The following SEPSECS variants were observed in gnomAD, a reference collection of about 807,000 sequenced individuals.
SEPSECS encodes O-phosphoseryl-tRNA(Sec) selenium transferase.
In SEPSECS, 42 loss-of-function variants were observed where a neutral mutation model predicts 52.1. The ratio of observed to expected loss-of-function variants is 0.81; its 90% CI spans 0.63 to 1.04. The LOEUF is 1.04. Ranked by LOEUF, SEPSECS falls within the 50% of genes least tolerant of loss-of-function variation. SEPSECS has a pLI of 0.00. For synonymous variants in SEPSECS, 216 were observed against 211.4 expected (o/e 1.02, Z -0.19); for missense variants, 590 against 610.6 (o/e 0.97, Z 0.36).
intron 5 of SEPSECS, among the ~76,000 whole-genome samples, chr4:25,154,088 G>A (rs1577628014): frequency 6.6e-6 from 1 of 152,048 alleles, no homozygotes; most frequent in Non-Finnish European, 1.5e-5. Flanking sequence ...AAGCTGATTG[G>A]TAAGTAATGA....
intron 3 of SEPSECS, 52 bp downstream of exon 3, chr4:25,156,804 T>G (rs189635720): frequency 7.8e-5 from 52 of 669,992 alleles, no homozygotes; most frequent in Middle Eastern, 5.4e-4. Flanking sequence ...GAGTCAGTGG[T>G]GTGTGTGTGT....
intron 8 of SEPSECS, among the ~76,000 whole-genome samples, chr4:25,140,854 T>G (rs1299292409): frequency 6.6e-6 from 1 of 152,004 alleles, no homozygotes. Flanking sequence ...TAATACACAG[T>G]TGGTCCTCCA....
chr4:25,160,116 A>G (rs575067434), intron 1 of SEPSECS, 140 bp downstream of exon 1: 2 of 1,463,034 alleles, frequency 1.4e-6, no homozygotes, highest in East Asian at 5.1e-5. Flanking sequence ...TCGGTCAGCT[A>G]GGGCAAGCCA....
In SEPSECS at chr4:25,154,984, C is replaced by A. The variant is rs1306910369; in HGVS notation, c.701+14G>T. 1.2e-6 allele frequency: 2 copies of A among 1,612,768 alleles called. No homozygotes were observed. The highest frequency in any genetic ancestry group is 4.5e-5 in the East Asian group (2 of 44,868). On this transcript the variant is annotated intron_variant, in intron 5 of 10. Transcript: ENST00000382103. Reference sequence around the variant, plus strand: ...TGATAAACAGCTAAAGGACAATATTCACAAATCATTTACCTATCAGGCACC... The same window carrying A: ...TGATAAACAGCTAAAGGACAATATTAACAAATCATTTACCTATCAGGCACC...
intron 3 of SEPSECS, among the ~76,000 whole-genome samples, chr4:25,156,464 G>T (rs1349670420): frequency 6.6e-6 from 1 of 151,706 alleles, no homozygotes; most frequent in African/African-American, 2.4e-5. Context: ...CAGCATTTTG[G>T]GAGGCCAAGG....
At chr4:25,148,442 T>C (rs1010567524) in intron 6 of SEPSECS, among the ~76,000 whole-genome samples, 6 of 151,536 alleles carry the variant, frequency 4.0e-5, no homozygotes, top group South Asian at 2.1e-4. Context: ...ATAAGGACTA[T>C]TGAGATGAAT....
At chr4:25,125,134 T>C (rs534271497) in intron 10 of SEPSECS, among the ~76,000 whole-genome samples, 10 of 152,312 alleles carry the variant, frequency 6.6e-5, no homozygotes, top group African/African-American at 2.4e-4. Context: ...AATAGAAGCA[T>C]GTAAAGTATT....
At chr4:25,160,508 C>CAAA (rs536637971), upstream of SEPSECS, 46 of 668,244 alleles carry the variant, frequency 6.9e-5, no homozygotes, top group African/African-American at 6.8e-4. Context: ...CAAAACAAAA[C>CAAA]AAAAAAAACA....
intron 4 of SEPSECS, among the ~76,000 whole-genome samples, chr4:25,155,579 C>T (rs1199305568): frequency 6.6e-6 from 1 of 152,120 alleles, no homozygotes; most frequent in Non-Finnish European, 1.5e-5. Context: ...CAGAGATGGA[C>T]ATAAATAATA....
In SEPSECS at chr4:25,151,942, C is replaced by A; in HGVS notation, c.804+18G>T. 2 of 1,311,210 alleles carry A rather than the reference C, an allele frequency of 1.5e-6. No homozygotes were observed. Among genetic ancestry groups the A allele is most frequent in the South Asian group, 2.4e-5 (2 of 84,798 alleles). 81.2% of individuals were successfully genotyped at this position (1,311,210 alleles called of 1,614,324 possible). A position where few individuals can be genotyped will look rare whatever the true frequency, so the allele number is the denominator to read the frequency against. On this transcript the variant is annotated intron_variant, in intron 6 of 10. Coordinates refer to ENST00000382103, the MANE Select transcript of SEPSECS (RefSeq NM_016955.4). The stretch of plus-strand genomic sequence containing the variant: ...ATGAATTTTTCCTTGACATACATAT[C>A]ATTTTAAACTCTCTTACCTGCTGAA...
intron 8 of SEPSECS, among the ~76,000 whole-genome samples, chr4:25,127,994 T>C (rs191226027): frequency 7.9e-5 from 12 of 152,308 alleles, no homozygotes; most frequent in Non-Finnish European, 2.9e-5. Flanking sequence ...CCCCAAGTGG[T>C]CCCTCTTGGC....
chr4:25,124,327 T>A, intron 10 of SEPSECS, 102 bp from the exon 11 acceptor site: 1 of 1,136,956 alleles, frequency 8.8e-7, no homozygotes. Flanking sequence ...ATCCACTTAT[T>A]ACGAAGTTTA....
In SEPSECS at chr4:25,124,295, G is replaced by A; in HGVS notation, c.1212-70C>T. On this transcript the variant is annotated intron_variant, in intron 10 of 10. Transcript: ENST00000382103. ...AACACAATGTCACCCATAAACAAAA[G>A]ATATGTGTTACAAAGCCTTACATCC... The A allele has an allele frequency of 3.5e-6, 5 of 1,442,608 alleles. No homozygotes were observed. In the South Asian group the frequency reaches 3.5e-5, roughly 10 times the overall value. The allele number at this position is 1,442,608 out of a possible 1,614,324, so 89.4% of individuals were successfully genotyped here. A position where few individuals can be genotyped will look rare whatever the true frequency, so the allele number is the denominator to read the frequency against.
At position 25,156,314 on chromosome 4, in the gene SEPSECS, T is replaced by TC. The variant is rs1446216350; in HGVS notation, c.389-120dup. On this transcript the variant is annotated intron_variant, in intron 3 of 10. Transcript: ENST00000382103. ...GAGTCGTAGCCCTAGGGCTTCTGTT[T>TC]CTGTACTCGCTCTTGGAAAGCTCAA... 4 of 862,882 alleles carry TC rather than the reference T, an allele frequency of 4.6e-6. No individual in the cohort carries two copies. The African/African-American group carries it at 6.7e-5, about 15-fold the overall frequency. The allele number at this position is 862,882 out of a possible 1,614,324, so 53.5% of individuals were successfully genotyped here.
chr4:25,134,857 A>T (rs976487423), intron 8 of SEPSECS, among the ~76,000 whole-genome samples: 1 of 152,190 alleles, frequency 6.6e-6, no homozygotes, highest in Non-Finnish European at 1.5e-5. Context: ...AACTGAAATC[A>T]TAACAGTCTC....
Position 25,124,157 on chromosome 4 carries a change from T to C in SEPSECS, c.1280A>G (p.Asn427Ser). The C allele has an allele frequency of 6.2e-7, 1 of 1,613,704 alleles. No individual in the cohort carries two copies. Among genetic ancestry groups the C allele is most frequent in the Non-Finnish European group, 8.5e-7 (1 of 1,179,744 alleles). The stretch of plus-strand genomic sequence containing the variant: ...ATTGAGGTAAGCACAAGGGTAATTA[T>C]TTGTATGTGACATAAAGCCTCTGAA... ...YTFRGFMSHT[N>S]NYPCAYLNAA... Residue 427 changes from asparagine to serine, a missense_variant, in exon 11 of 11, where the codon AAT becomes AGT. By Grantham distance (46) the Asn-to-Ser change is conservative. Transcript: ENST00000382103.
intron 8 of SEPSECS, among the ~76,000 whole-genome samples, chr4:25,133,663 G>A (rs1389295889): frequency 6.6e-6 from 1 of 152,120 alleles, no homozygotes; most frequent in African/African-American, 2.4e-5. Context: ...AAAATCTTAA[G>A]GCTAGAAAAG....
rs748171942 is a variant in SEPSECS, at chr4:25,156,886, A to G, written c.358T>C (p.Ser120Pro). The G allele has an allele frequency of 3.1e-6, 5 of 1,607,056 alleles. No individual in the cohort carries two copies. The South Asian group carries it at 5.5e-5, about 18-fold the overall frequency. The change falls in exon 3 of 11, where the codon TCT becomes CCT. Residue 120 changes from serine to proline, a missense_variant. Ser to Pro is a moderately conservative substitution (Grantham distance 74). Transcript: ENST00000382103. ...AGCTTTATAATGTCCAGGACCAAAG[A>G]ATTGGTAATTTTGTTCAAAAGGCTA... is the stretch of plus-strand genomic sequence containing the variant. Reference protein sequence around the residue: ...GSSLLNKITNSLVLDIIKLAG... With the variant: ...GSSLLNKITNPLVLDIIKLAG...
rs757328311 is a variant in SEPSECS, at chr4:25,158,941, A to T, written c.269+12T>A. 2 of 1,609,012 alleles carry T rather than the reference A, an allele frequency of 1.2e-6. No homozygotes were observed. Among genetic ancestry groups the T allele is most frequent in the Non-Finnish European group, 1.7e-6 (2 of 1,175,772 alleles). ...AAACGATGTATCTCCTGTACTACTT[A>T]AAAAAAGATACCTGTAATGACGACG... On this transcript the variant is annotated intron_variant, in intron 2 of 10. Transcript: ENST00000382103.
Sources: allele counts gnomAD v4.1 joint callset (sites outside exome capture counted in the v4.1 genomes callset), GRCh38; gene constraint gnomAD v4.1.1; transcripts MANE v1.5; gene names NCBI Gene and HGNC (gene_info 2026-07-23, HGNC 2026-07-21).